PRKCA: variants seen among roughly 807,000 people sequenced by gnomAD.
PRKCA encodes the protein protein kinase C alpha type.
PRKCA carries 27 observed loss-of-function variants against 87.0 expected under a neutral mutation model. That is an observed-to-expected ratio of 0.31 (90% CI 0.23 to 0.43). The LOEUF (loss-of-function observed/expected upper bound fraction) is 0.43. PRKCA is among the 20% of genes least tolerant of loss of function. The pLI is 1.00. For missense variants in PRKCA, 518 were observed against 852.3 expected, an observed-to-expected ratio of 0.61 and a Z score of 4.88; for synonymous variants, 329 against 311.1, an observed-to-expected ratio of 1.06 and a Z score of -0.61.
At chr17:66,450,918 G>C (rs1914278378) in intron 2 of PRKCA, among the ~76,000 whole-genome samples, 1 of 152,228 alleles carries the variant, frequency 6.6e-6, no homozygotes, top group Non-Finnish European at 1.5e-5. Flanking sequence ...CTGTGATGCA[G>C]GGGTTTACTG....
intron 8 of PRKCA, among the ~76,000 whole-genome samples, chr17:66,717,220 C>T (rs781271760): frequency 2.8e-4 from 42 of 152,210 alleles, no homozygotes; most frequent in South Asian, 6.2e-4. Flanking sequence ...CAGACCCCAG[C>T]GGCTGCCTGT....
intron 3 of PRKCA, among the ~76,000 whole-genome samples, chr17:66,586,833 C>T (rs746867359): frequency 3.0e-4 from 45 of 152,086 alleles, no homozygotes; most frequent in Non-Finnish European, 5.7e-4. Context: ...CAGACTCAGT[C>T]GGGATACATA....
intron 13 of PRKCA, among the ~76,000 whole-genome samples, chr17:66,756,735 C>T (rs1329159916): frequency 6.6e-6 from 1 of 152,048 alleles, no homozygotes; most frequent in East Asian, 1.9e-4. Flanking sequence ...GATCTCAGCT[C>T]ACTGCAACCT....
chr17:66,410,177 T>C (rs1417170049), intron 2 of PRKCA, among the ~76,000 whole-genome samples: 2 of 151,310 alleles, frequency 1.3e-5, no homozygotes, highest in African/African-American at 2.4e-5. Context: ...TGGGAATCTC[T>C]CTTTAATTTT....
intron 5 of PRKCA, among the ~76,000 whole-genome samples, chr17:66,675,151 G>A (rs974007613): frequency 6.6e-6 from 1 of 152,180 alleles, no homozygotes; most frequent in Non-Finnish European, 1.5e-5. Context: ...CACAGTTATG[G>A]AGGCTGGAGA....
chr17:66,514,446 G>A (rs1362043104), intron 3 of PRKCA, among the ~76,000 whole-genome samples: 1 of 152,156 alleles, frequency 6.6e-6, no homozygotes, highest in Admixed American at 6.5e-5. Context: ...CATGCTAAGT[G>A]TGTCATCCTG....
rs116685658 is a variant in PRKCA, at chr17:66,487,830, A to T, written c.206-8371A>T. 2.6e-5 allele frequency among the ~76,000 whole-genome samples: 4 copies of T among 152,236 alleles called. No homozygotes were observed. In the South Asian group the frequency reaches 8.3e-4, roughly 32 times the overall value. On this transcript the variant is annotated intron_variant, in intron 2 of 16. Coordinates refer to ENST00000413366, the MANE Select transcript of PRKCA (RefSeq NM_002737.3). The stretch of plus-strand genomic sequence containing the variant: ...GTTTGTCATCTTTTGAGAAATGTCT[A>T]TTCAGGTCTTTTGCCCATTTTAAAA...
At chr17:66,388,764 C>T (rs1481205573) in intron 2 of PRKCA, among the ~76,000 whole-genome samples, 1 of 152,148 alleles carries the variant, frequency 6.6e-6, no homozygotes, top group East Asian at 1.9e-4. Context: ...GCAGCTGCAC[C>T]TTCCTATACA....
chr17:66,423,038 G>A (rs1041536262), intron 2 of PRKCA, among the ~76,000 whole-genome samples: 1 of 152,108 alleles, frequency 6.6e-6, no homozygotes, highest in Non-Finnish European at 1.5e-5. Flanking sequence ...TTGAACCAGG[G>A]AGGTGGAGGT....
At position 66,806,298 on chromosome 17, in the gene PRKCA, T is replaced by C. The variant is rs998027820; in HGVS notation, c.*2261T>C. ...TTTTTGAGGTGAGAGGCCCAGGTGG[T>C]CCTGGCAACCCTGAGTAGAAGGAGA... On this transcript the variant is annotated 3_prime_UTR_variant, in exon 17 of 17. Coordinates refer to ENST00000413366, the MANE Select transcript of PRKCA (RefSeq NM_002737.3). The C allele has an allele frequency of 2.6e-5, 4 of 152,262 alleles. No individual in the cohort carries two copies. Among genetic ancestry groups the C allele is most frequent in the Non-Finnish European group, 5.9e-5 (4 of 68,116 alleles). 9.4% of individuals were successfully genotyped at this position (152,262 alleles called of 1,614,324 possible). A position where few individuals can be genotyped will look rare whatever the true frequency, so the allele number is the denominator to read the frequency against.
chr17:66,409,775 A>G (rs4548915), intron 2 of PRKCA, among the ~76,000 whole-genome samples: 131,155 of 152,146 alleles, frequency 0.86, 56,938 homozygotes, highest in South Asian at 0.96. Flanking sequence ...TAAAAAGTAC[A>G]AAAAAATTAG....
At chr17:66,514,288 T>C (rs1966890925) in intron 3 of PRKCA, among the ~76,000 whole-genome samples, 1 of 152,090 alleles carries the variant, frequency 6.6e-6, no homozygotes, top group African/African-American at 2.4e-5. Flanking sequence ...CTTTCTCTAG[T>C]CTAAGCCATG....
At chr17:66,328,082 C>T (rs1339571512) in intron 2 of PRKCA, among the ~76,000 whole-genome samples, 1 of 152,200 alleles carries the variant, frequency 6.6e-6, no homozygotes, top group African/African-American at 2.4e-5. Context: ...ATTTTTCCCT[C>T]TGTTGCCCAG....
At chr17:66,741,197 C>T (rs112173490) in intron 11 of PRKCA, among the ~76,000 whole-genome samples, 20 of 152,282 alleles carry the variant, frequency 1.3e-4, no homozygotes, top group Admixed American at 7.8e-4. Context: ...CTCCAACACT[C>T]GCAAGGAATG....
At chr17:66,572,778 C>T (rs1037001073) in intron 3 of PRKCA, among the ~76,000 whole-genome samples, 2 of 152,122 alleles carry the variant, frequency 1.3e-5, no homozygotes, top group Admixed American at 6.5e-5. Context: ...TCATGAGCCA[C>T]CCCACCTGGC....
chr17:66,617,292 A>G (rs1644714607), intron 3 of PRKCA, among the ~76,000 whole-genome samples: 1 of 152,112 alleles, frequency 6.6e-6, no homozygotes, highest in Non-Finnish European at 1.5e-5. Flanking sequence ...AATCTAGTTT[A>G]GGAGCTTTTT....
intron 2 of PRKCA, among the ~76,000 whole-genome samples, chr17:66,422,135 C>T (rs1246972997): frequency 3.9e-5 from 6 of 152,042 alleles, no homozygotes; most frequent in African/African-American, 1.4e-4. Context: ...GATTAGGGCC[C>T]ACCTTAATGA....
At chr17:66,422,254 C>T (rs548269249) in intron 2 of PRKCA, among the ~76,000 whole-genome samples, 40 of 152,156 alleles carry the variant, frequency 2.6e-4, no homozygotes, top group African/African-American at 7.9e-4. Flanking sequence ...GGGAGACTAA[C>T]ATGAATTTTT....
chr17:66,457,271 T>A (rs184922630), intron 2 of PRKCA, among the ~76,000 whole-genome samples: 1 of 152,220 alleles, frequency 6.6e-6, no homozygotes, highest in East Asian at 1.9e-4. Context: ...ATGTTTTACC[T>A]CTACTGAAGG....
Sources: allele counts gnomAD v4.1 joint callset (sites outside exome capture counted in the v4.1 genomes callset), GRCh38; gene constraint gnomAD v4.1.1; transcripts MANE v1.5; gene names NCBI Gene and HGNC (gene_info 2026-07-23, HGNC 2026-07-21).